Variants in MOB2 observed in about 807,000 individuals in gnomAD.
MOB2 encodes the protein MOB kinase activator 2.
In MOB2, 14 loss-of-function variants were observed where a neutral mutation model predicts 27.4. That is an observed-to-expected ratio of 0.51 (90% confidence interval 0.34 to 0.80). The LOEUF (loss-of-function observed/expected upper bound fraction) is 0.80. Among genes scored for constraint, MOB2 ranks in the 30% least tolerant of loss-of-function variants. The probability of loss-of-function intolerance (pLI) is 0.01; values close to 1 mark genes in which losing one functional copy is unlikely to be tolerated. For synonymous variants in MOB2, 167 were observed against 151.8 expected (o/e 1.10, Z -0.74); for missense variants, 304 against 354.6 (o/e 0.86, Z 1.15).
In MOB2 at chr11:1,469,973, C is replaced by T. The variant is rs773883866; in HGVS notation, c.*199G>A. On this transcript the variant is annotated 3_prime_UTR_variant, in exon 5 of 5. Transcript: ENST00000329957. ...CAAAGGCTCTTCTCTACAAACGGCA[C>T]GCATCCATCCGACAGGGGGCCACAG... The T allele has an allele frequency of 7.5e-6, 10 of 1,334,606 alleles. No homozygotes were observed. Among genetic ancestry groups the T allele is most frequent in the African/African-American group, 4.3e-5 (3 of 69,206 alleles). The allele number at this position is 1,334,606 out of a possible 1,614,324, so 82.7% of individuals were successfully genotyped here.
At chr11:1,484,436 G>A (rs771268433) in intron 1 of MOB2, among the ~76,000 whole-genome samples, 13 of 152,150 alleles carry the variant, frequency 8.5e-5, no homozygotes, top group East Asian at 1.9e-4. Flanking sequence ...TCCTTGGTTC[G>A]GGTGAATGTC....
chr11:1,486,424 C>A, intron 1 of MOB2, 23 bp downstream of exon 1: 1 of 1,516,352 alleles, frequency 6.6e-7, no homozygotes, highest in South Asian at 1.2e-5. Context: ...CACCCCTCCC[C>A]CAGCCAGGCT....
chr11:1,479,608 C>A (rs1312745171), intron 3 of MOB2, among the ~76,000 whole-genome samples: 1 of 152,266 alleles, frequency 6.6e-6, no homozygotes, highest in Non-Finnish European at 1.5e-5. Context: ...GAAGGCAGAA[C>A]TCAGCTTTGT....
Position 1,480,760 on chromosome 11 carries a change from C to T in MOB2, c.236G>A (p.Arg79His), listed in dbSNP as rs369650668. 45 of 1,606,138 alleles carry T rather than the reference C, an allele frequency of 2.8e-5. No homozygotes were observed. The African/African-American group carries it at 3.6e-4, about 13-fold the overall frequency. ...FQFKELVVLP[R>H]EIDLNEWLAS... ...CAGCCACTCGTTAAGGTCAATCTCG[C>T]GGGGCAGCACCACCAGCTCCTTGAA... The change falls in exon 2 of 5, where the codon CGC becomes CAC. Residue 79 changes from arginine (R) to histidine (H), a missense_variant. By Grantham distance (29) the Arg-to-His change is conservative. Transcript: ENST00000329957.
At position 1,473,960 on chromosome 11, in the gene MOB2, C is replaced by A. The variant is rs182532310; in HGVS notation, c.366-2541G>T. Among the ~76,000 whole-genome samples, 158 of 66,550 alleles carry A rather than the reference C, an allele frequency of 2.4e-3. 1 individual carries two copies. The highest frequency in any genetic ancestry group is 6.4e-3 in the African/African-American group (152 of 23,746). The allele number at this position is 66,550 out of a possible 152,430, so 43.7% of individuals were successfully genotyped here. A position where few individuals can be genotyped will look rare whatever the true frequency, so the allele number is the denominator to read the frequency against. On this transcript the variant is annotated intron_variant, in intron 3 of 4. Coordinates refer to ENST00000329957, the MANE Select transcript of MOB2 (RefSeq NM_001172223.3). ...CACGGAGGCCCCTGGGATGCAGTCA[C>A]GTGGCAGACGTGTCGGAAGTCCACG...
rs1227950757 is a variant in MOB2 at position 1,477,713 on chromosome 11, C to G, written c.365+2680G>C. 5.3e-5 allele frequency among the ~76,000 whole-genome samples: 8 copies of G among 152,316 alleles called. No individual in the cohort carries two copies. In the East Asian group the frequency reaches 1.5e-3, roughly 29 times the overall value. On this transcript the variant is annotated intron_variant, in intron 3 of 4. Coordinates refer to ENST00000329957, the MANE Select transcript of MOB2 (RefSeq NM_001172223.3). ...GTGGATCTTCACCTTGGACTTTCAGCTTCCAGAACCGCAAGAAATAAGATT... is the reference window on the plus strand; with the variant it reads ...GTGGATCTTCACCTTGGACTTTCAGGTTCCAGAACCGCAAGAAATAAGATT...
chr11:1,469,455 TCTGAC>T (rs1235128237), exon 5 of MOB2: 9 of 414,276 alleles, frequency 2.2e-5, no homozygotes, highest in Non-Finnish European at 4.5e-5. Flanking sequence ...GTACACAGGC[TCTGAC>T]CTGAGAGAAT....
rs544114258 is a variant in MOB2 at position 1,481,922 on chromosome 11, G to A, written c.111-1037C>T. On this transcript the variant is annotated intron_variant, in intron 1 of 4. Coordinates refer to ENST00000329957, the MANE Select transcript of MOB2 (RefSeq NM_001172223.3). Reference sequence around the variant, plus strand: ...TCACAGTACAGGGGTGGGACAGACAGGGTGAGCTTCCGTGTAGCCTGCAGC... The same window carrying A: ...TCACAGTACAGGGGTGGGACAGACAAGGTGAGCTTCCGTGTAGCCTGCAGC... Among the ~76,000 whole-genome samples the A allele has an allele frequency of 1.8e-4, 27 of 152,312 alleles. No homozygotes were observed. The East Asian group carries it at 1.9e-3, about 11-fold the overall frequency.
Position 1,470,438 on chromosome 11 carries a change from G to T in MOB2, c.541C>A (p.His181Asn). Residue 181 changes from histidine to asparagine, a missense_variant, in exon 5 of 5, where the codon CAC becomes AAC. Coordinates refer to ENST00000329957, the MANE Select transcript of MOB2 (RefSeq NM_001172223.3). ...ATGTGTGCCAGCACGTGGAACAGGTGTCTGCAGATCTTCCTCACCAGGGAC... is the reference window on the plus strand; with the variant it reads ...ATGTGTGCCAGCACGTGGAACAGGTTTCTGCAGATCTTCCTCACCAGGGAC... ...FESLVRKICR[H>N]LFHVLAHIYW... is the part of the protein sequence containing the mutation. 8.1e-6 allele frequency: 13 copies of T among 1,613,640 alleles called. No homozygotes were observed. Among genetic ancestry groups the T allele is most frequent in the Non-Finnish European group, 1.1e-5 (13 of 1,179,870 alleles).
At chr11:1,481,868 G>A (rs1054148904) in intron 1 of MOB2, among the ~76,000 whole-genome samples, 9 of 152,180 alleles carry the variant, frequency 5.9e-5, no homozygotes, top group Non-Finnish European at 1.2e-4. Flanking sequence ...GTGTGGATGG[G>A]CCACATGCAG....
Position 1,470,071 on chromosome 11 carries a change from C to T in MOB2, c.*101G>A. 1 of 1,540,830 alleles carries T rather than the reference C, an allele frequency of 6.5e-7. No homozygotes were observed. The highest frequency in any genetic ancestry group is 1.2e-5 in the South Asian group (1 of 83,828). On this transcript the variant is annotated 3_prime_UTR_variant, in exon 5 of 5. Transcript: ENST00000329957. Reference sequence around the variant, plus strand: ...TGCAGCCCGGGGCCCTCTCAGACCTCACCACACGCGTGCCCAGCACATGTG... The same window carrying T: ...TGCAGCCCGGGGCCCTCTCAGACCTTACCACACGCGTGCCCAGCACATGTG...
At chr11:1,471,210 A>G in intron 4 of MOB2, 85 bp downstream of exon 4, 1 of 1,497,438 alleles carries the variant, frequency 6.7e-7, no homozygotes, top group Non-Finnish European at 9.0e-7. Context: ...CCCTCCCGGC[A>G]CAGGAGCTTG....
At chr11:1,475,872 T>C (rs1564909516) in intron 3 of MOB2, among the ~76,000 whole-genome samples, 2 of 152,216 alleles carry the variant, frequency 1.3e-5, no homozygotes, top group Admixed American at 6.5e-5. Flanking sequence ...TCACACACAA[T>C]CTGTTTCTTT....
chr11:1,471,552 C>A, intron 3 of MOB2, 133 bp from the exon 4 acceptor site: 2 of 1,093,798 alleles, frequency 1.8e-6, no homozygotes, highest in Non-Finnish European at 2.6e-6. Flanking sequence ...AGGTGTCTCC[C>A]TCCCTGGACA....
intron 1 of MOB2, among the ~76,000 whole-genome samples, chr11:1,484,242 C>A (rs1432040706): frequency 6.6e-6 from 1 of 152,178 alleles, no homozygotes. Flanking sequence ...CTTCCCACCA[C>A]AGGTCAACGC....
Position 1,469,883 on chromosome 11 carries a change from A to C in MOB2, c.*289T>G. The C allele has an allele frequency of 1.4e-6, 1 of 713,254 alleles. No homozygotes were observed. The allele number at this position is 713,254 out of a possible 1,614,324, so 44.2% of individuals were successfully genotyped here. A position where few individuals can be genotyped will look rare whatever the true frequency, so the allele number is the denominator to read the frequency against. On this transcript the variant is annotated 3_prime_UTR_variant, in exon 5 of 5. Transcript: ENST00000329957. ...GGCTGCACGGAGACCAGAGAAAGGA[A>C]AACCCCACAGAAGAAAACTCAAAGC...
intron 1 of MOB2, among the ~76,000 whole-genome samples, chr11:1,483,251 G>T (rs552670388): frequency 6.6e-6 from 1 of 152,300 alleles, no homozygotes; most frequent in Non-Finnish European, 1.5e-5. Flanking sequence ...CTGGCTAGGA[G>T]CCCCGGGGCA....
intron 3 of MOB2, among the ~76,000 whole-genome samples, chr11:1,475,346 C>A (rs1223544180): frequency 6.6e-6 from 1 of 151,174 alleles, no homozygotes; most frequent in Admixed American, 6.6e-5. Flanking sequence ...ATACAGCAAT[C>A]CCCCCCATCC....
intron 1 of MOB2, among the ~76,000 whole-genome samples, chr11:1,483,694 C>A (rs1365609528): frequency 6.6e-6 from 1 of 152,240 alleles, no homozygotes; most frequent in South Asian, 2.1e-4. Context: ...GCAAACTTCT[C>A]CTGGTCCTTT....
Sources: allele counts gnomAD v4.1 joint callset (sites outside exome capture counted in the v4.1 genomes callset), GRCh38; gene constraint gnomAD v4.1.1; transcripts MANE v1.5; gene names NCBI Gene and HGNC (gene_info 2026-07-23, HGNC 2026-07-21).